MALAT1: variants seen among roughly 807,000 people sequenced by gnomAD.
MALAT1 encodes hepcarcin.
exon 3 of MALAT1, chr11:65,503,492 C>T (rs1854601923): frequency 7.7e-6 from 4 of 518,322 alleles, no homozygotes; most frequent in African/African-American, 3.9e-5. Context: ...CATTGAATCT[C>T]TGAAGGCTCT....
chr11:65,504,894 T>G (rs1250194777), intron 3 of MALAT1: 10 of 518,782 alleles, frequency 1.9e-5, no homozygotes, highest in African/African-American at 1.7e-4. Flanking sequence ...CTATTTACTT[T>G]AAATAAACCA....
rs757515961 is a variant in MALAT1 at position 65,498,395 on chromosome 11, C to G, written n.179-287C>G. On this transcript the variant is annotated intron_variant and non_coding_transcript_variant, in intron 1 of 3. Coordinates refer to ENST00000619449, the Ensembl canonical transcript of MALAT1. ...GTGGGCCACTGGCAGCCAACGGCCC[C>G]CGGGGCTCAGGCGGGGAGCAGCTCT... The G allele has an allele frequency of 1.9e-5, 10 of 518,394 alleles. No individual in the cohort carries two copies. In the Admixed American group the frequency reaches 1.9e-4, roughly 10 times the overall value. The allele number at this position is 518,394 out of a possible 1,614,324, so 32.1% of individuals were successfully genotyped here.
intron 3 of MALAT1, chr11:65,505,336 TC>T (rs749946592): frequency 1.9e-6 from 1 of 518,862 alleles, no homozygotes. Context: ...TTGCCTCAAC[TC>T]CCTCTTTCTG....
exon 3 of MALAT1, chr11:65,501,062 T>A (rs375847478): frequency 2.7e-5 from 14 of 509,356 alleles, no homozygotes; most frequent in South Asian, 2.1e-4. Flanking sequence ...ATAGCCAAAT[T>A]GAGACAATTT....
chr11:65,501,566 A>C (rs770882599), exon 3 of MALAT1: 10 of 518,650 alleles, frequency 1.9e-5, no homozygotes, highest in South Asian at 1.3e-4. Flanking sequence ...TGGGGGAGAA[A>C]ATGTTTTTTT....
chr11:65,500,841 A>T (rs748439532), exon 3 of MALAT1: 3 of 518,796 alleles, frequency 5.8e-6, no homozygotes, highest in Non-Finnish European at 1.2e-5. Context: ...TTTCTAATAT[A>T]ATGGGGGAGT....
chr11:65,503,895 C>G (rs766935620), exon 3 of MALAT1: 27 of 517,736 alleles, frequency 5.2e-5, no homozygotes, highest in African/African-American at 2.7e-4. Context: ...AATAAATAAC[C>G]TCTTAGACAG....
chr11:65,502,809 T>G (rs760436817), exon 3 of MALAT1: 1 of 511,824 alleles, frequency 2.0e-6, no homozygotes, highest in Non-Finnish European at 3.9e-6. Flanking sequence ...ATGAGAACAT[T>G]ATCTGCATAT....
chr11:65,503,650 C>T (rs987474259), exon 3 of MALAT1: 2 of 513,060 alleles, frequency 3.9e-6, no homozygotes, highest in South Asian at 1.4e-5. Flanking sequence ...AAAGCTGTCT[C>T]CTTATTTAAA....
exon 3 of MALAT1, chr11:65,499,705 A>G (rs1201453958): frequency 2.3e-6 from 1 of 434,618 alleles, no homozygotes; most frequent in Non-Finnish European, 4.5e-6. Context: ...AAAAGAATAG[A>G]GAAGATAGGG....
chr11:65,505,293 C>T (rs1854656775), intron 3 of MALAT1: 1 of 518,704 alleles, frequency 1.9e-6, no homozygotes, highest in African/African-American at 1.9e-5. Flanking sequence ...AGAGAAGTGT[C>T]AGCCTCACCT....
chr11:65,498,721 A>T (rs1180289123), exon 2 of MALAT1: 2 of 516,054 alleles, frequency 3.9e-6, no homozygotes, highest in African/African-American at 2.0e-5. Flanking sequence ...AGAACACAAG[A>T]AGTGCTTTAA....
At chr11:65,498,249 C>G (rs746346752) in intron 1 of MALAT1, 7 of 518,792 alleles carry the variant, frequency 1.3e-5, no homozygotes, top group South Asian at 9.8e-5. Flanking sequence ...CACTTGAACT[C>G]GCTTTCCATG....
chr11:65,499,002 G>C (rs780941077), exon 3 of MALAT1: 2 of 518,742 alleles, frequency 3.9e-6, no homozygotes, highest in South Asian at 2.8e-5. Flanking sequence ...GGTGATGCGA[G>C]TTGTTCTCCG....
At chr11:65,503,047 A>G (rs756416948) in exon 3 of MALAT1, 1 of 508,508 alleles carries the variant, frequency 2.0e-6, no homozygotes, top group Non-Finnish European at 3.9e-6. Flanking sequence ...AGCCGAAATA[A>G]ATGAGAGATG....
exon 1 of MALAT1, chr11:65,497,814 C>A (rs781561957): frequency 2.0e-6 from 1 of 510,458 alleles, no homozygotes. Flanking sequence ...AAGCGCAGCG[C>A]CATTTTAGCA....
exon 3 of MALAT1, chr11:65,500,253 G>A (rs755344498): frequency 1.9e-6 from 1 of 518,460 alleles, no homozygotes; most frequent in Non-Finnish European, 3.9e-6. Context: ...AAATATAGTA[G>A]CTTAGTTTGA....
exon 3 of MALAT1, chr11:65,499,805 A>G (rs572975909): frequency 2.4e-6 from 1 of 421,352 alleles, no homozygotes; most frequent in Non-Finnish European, 4.6e-6. Context: ...CAAGCTAGGA[A>G]ACAAAAAGCT....
chr11:65,499,237 G>T (rs765561331), exon 3 of MALAT1: 1 of 504,418 alleles, frequency 2.0e-6, no homozygotes, highest in South Asian at 1.5e-5. Context: ...GATTTTAAGA[G>T]AAAATATGAA....
Sources: gnomAD v4.1 joint callset for allele counts on GRCh38, gnomAD v4.1.1 for gene constraint, MANE v1.5 for transcripts, NCBI Gene and HGNC (gene_info 2026-07-23, HGNC 2026-07-21) for gene names.